Variants in CADM1 observed in about 807,000 individuals in gnomAD.
The protein encoded by CADM1 is cell adhesion molecule 1.
In CADM1, 15 loss-of-function variants were observed where a neutral mutation model predicts 53.1. The ratio of observed to expected loss-of-function variants is 0.28; its 90% CI spans 0.19 to 0.44. The LOEUF (loss-of-function observed/expected upper bound fraction) is 0.44. Among genes scored for constraint, CADM1 ranks in the 20% least tolerant of loss-of-function variants. CADM1 has a pLI of 1.00. For synonymous variants in CADM1, 281 were observed against 243.0 expected, an observed-to-expected ratio of 1.16 and a Z score of -1.45; for missense variants, 434 against 611.3, an observed-to-expected ratio of 0.71 and a Z score of 3.06.
At chr11:115,460,020 T>C in intron 1 of CADM1, among the ~76,000 whole-genome samples, 1 of 152,192 alleles carries the variant, frequency 6.6e-6, no homozygotes, top group Non-Finnish European at 1.5e-5. Context: ...TTAGGTGCTT[T>C]GGAACCTGCA....
intron 1 of CADM1, among the ~76,000 whole-genome samples, chr11:115,458,619 A>G (rs1948730509): frequency 6.6e-6 from 1 of 151,706 alleles, no homozygotes; most frequent in East Asian, 1.9e-4. Flanking sequence ...AGTCCTATAT[A>G]AGGGGAGAGT....
intron 5 of CADM1, among the ~76,000 whole-genome samples, chr11:115,221,314 T>C (rs554509497): frequency 1.3e-5 from 2 of 152,346 alleles, no homozygotes; most frequent in South Asian, 4.1e-4. Flanking sequence ...CATAATACAC[T>C]GTGAATTTTT....
chr11:115,399,022 G>T (rs757690627), intron 1 of CADM1: 9 of 152,170 alleles, frequency 5.9e-5, no homozygotes. Flanking sequence ...ATATATTGGA[G>T]CACTGTGATA....
intron 1 of CADM1, among the ~76,000 whole-genome samples, chr11:115,432,238 C>T (rs1265759971): frequency 2.6e-5 from 4 of 152,134 alleles, no homozygotes; most frequent in East Asian, 1.9e-4. Flanking sequence ...AGCCACCACA[C>T]CCGGCCCTAA....
At chr11:115,478,926 C>T (rs1379392230) in intron 1 of CADM1, among the ~76,000 whole-genome samples, 1 of 152,076 alleles carries the variant, frequency 6.6e-6, no homozygotes. Flanking sequence ...CAGTCCCTTA[C>T]TGATGGACAT....
In CADM1 at chr11:115,172,853, A is replaced by G. The variant is rs1244819713; in HGVS notation, c.*3621T>C. ...TCTGGAGCTTACCTTTGCTTTTCCT[A>G]TGGAACTTTCCCCATGACGTGGCCA... is the stretch of plus-strand genomic sequence containing the variant. On this transcript the variant is annotated 3_prime_UTR_variant, in exon 12 of 12. Transcript: ENST00000331581. 7.0e-6 allele frequency: 1 copy of G among 143,372 alleles called. No individual in the cohort carries two copies. The highest frequency in any genetic ancestry group is 1.5e-5 in the Non-Finnish European group (1 of 67,028). The allele number at this position is 143,372 out of a possible 1,614,324, so 8.9% of individuals were successfully genotyped here. A position where few individuals can be genotyped will look rare whatever the true frequency, so the allele number is the denominator to read the frequency against.
intron 1 of CADM1, among the ~76,000 whole-genome samples, chr11:115,337,569 T>C (rs1945299929): frequency 6.6e-6 from 1 of 152,102 alleles, no homozygotes; most frequent in Non-Finnish European, 1.5e-5. Context: ...TACTCTAACC[T>C]CCCTTGGCTC....
At chr11:115,499,262 CAAAT>C (rs1323566952) in intron 1 of CADM1, among the ~76,000 whole-genome samples, 4 of 152,104 alleles carry the variant, frequency 2.6e-5, no homozygotes, top group Non-Finnish European at 4.4e-5. Context: ...CTTGAAAAGA[CAAAT>C]AAAAAACTGT....
At chr11:115,398,060 A>T (rs1297665910) in intron 1 of CADM1, among the ~76,000 whole-genome samples, 1 of 152,168 alleles carries the variant, frequency 6.6e-6, no homozygotes. Flanking sequence ...TAATCTACTC[A>T]TAAACCAGTA....
intron 1 of CADM1, among the ~76,000 whole-genome samples, chr11:115,338,321 A>C (rs1945321780): frequency 6.6e-6 from 1 of 152,174 alleles, no homozygotes; most frequent in South Asian, 2.1e-4. Context: ...TAATTTGCCT[A>C]AGGTTACTTA....
chr11:115,486,506 G>A (rs746862278), intron 1 of CADM1, among the ~76,000 whole-genome samples: 4 of 151,666 alleles, frequency 2.6e-5, no homozygotes, highest in Admixed American at 1.3e-4. Context: ...GTACACCACC[G>A]GGCAATTTTT....
intron 1 of CADM1, among the ~76,000 whole-genome samples, chr11:115,254,577 CACACACACACACACACAG>C (rs928068921): frequency 4.0e-5 from 6 of 149,256 alleles, no homozygotes; most frequent in Non-Finnish European, 8.9e-5. Context: ...CACACACACA[CACACACACACACACACAG>C]AGACAACAAA....
intron 1 of CADM1, among the ~76,000 whole-genome samples, chr11:115,462,609 TA>T (rs1948820417): frequency 6.6e-6 from 1 of 152,224 alleles, no homozygotes; most frequent in African/African-American, 2.4e-5. Flanking sequence ...ACAAATAATT[TA>T]TTTTTGATGT....
intron 1 of CADM1, among the ~76,000 whole-genome samples, chr11:115,333,033 C>T (rs946344830): frequency 6.6e-6 from 1 of 152,090 alleles, no homozygotes; most frequent in Non-Finnish European, 1.5e-5. Flanking sequence ...CTAGAACGTC[C>T]AATTGCTTAC....
At chr11:115,235,205 T>C in intron 3 of CADM1, among the ~76,000 whole-genome samples, 1 of 151,412 alleles carries the variant, frequency 6.6e-6, no homozygotes, top group African/African-American at 2.4e-5. Flanking sequence ...CTTTCAAAAA[T>C]ATAAATGAGG....
At chr11:115,378,738 T>A (rs1391755743) in intron 1 of CADM1, among the ~76,000 whole-genome samples, 3 of 152,182 alleles carry the variant, frequency 2.0e-5, no homozygotes, top group Admixed American at 6.5e-5. Context: ...TAAAGTTTTA[T>A]TGGAACATAG....
At chr11:115,268,315 A>G (rs990060790) in intron 1 of CADM1, among the ~76,000 whole-genome samples, 2 of 152,172 alleles carry the variant, frequency 1.3e-5, no homozygotes, top group Non-Finnish European at 2.9e-5. Context: ...GTATTTGCAG[A>G]CTTTGGGATA....
At chr11:115,477,208 A>C (rs959751479) in intron 1 of CADM1, among the ~76,000 whole-genome samples, 1 of 152,190 alleles carries the variant, frequency 6.6e-6, no homozygotes, top group South Asian at 2.1e-4. Context: ...AAATCAAGGT[A>C]CACAGAATGC....
intron 1 of CADM1, among the ~76,000 whole-genome samples, chr11:115,398,787 A>C (rs1947065528): frequency 6.6e-6 from 1 of 152,230 alleles, no homozygotes; most frequent in South Asian, 2.1e-4. Context: ...TGACTATGAC[A>C]TTCAAGAAGA....
Sources: allele counts gnomAD v4.1 joint callset (sites outside exome capture counted in the v4.1 genomes callset), GRCh38; gene constraint gnomAD v4.1.1; transcripts MANE v1.5; gene names NCBI Gene and HGNC (gene_info 2026-07-23, HGNC 2026-07-21).